Variants in ADD3 observed in about 807,000 individuals in gnomAD.
The protein encoded by ADD3 is adducin 3, also known as gamma-adducin.
A neutral mutation model predicts 80.2 loss-of-function variants in ADD3; 25 were observed. The observed-to-expected ratio is 0.31, with a 90% CI of 0.23 to 0.44. The LOEUF (loss-of-function observed/expected upper bound fraction) is 0.44, where lower values mean the gene tolerates loss of function less well. Among genes scored for constraint, ADD3 ranks in the 20% least tolerant of loss-of-function variants. The probability of loss-of-function intolerance (pLI) is 1.00; values close to 1 mark genes in which losing one functional copy is unlikely to be tolerated. For missense variants in ADD3, 829 were observed against 847.5 expected, an observed-to-expected ratio of 0.98 and a Z score of 0.27; for synonymous variants, 284 against 289.6, an observed-to-expected ratio of 0.98 and a Z score of 0.20.
In ADD3 at chr10:110,130,155, A is replaced by G. The variant is rs544562537; in HGVS notation, c.1609-208A>G. 2.6e-5 allele frequency among the ~76,000 whole-genome samples: 4 copies of G among 152,282 alleles called. No homozygotes were observed. In the East Asian group the frequency reaches 7.7e-4, roughly 29 times the overall value. ...GCTTATTGAGGAAATATCACTGGCA[A>G]TTTTAGTCCATTGGATTAGTAGTTT... is the stretch of plus-strand genomic sequence containing the variant. On this transcript the variant is annotated intron_variant, in intron 12 of 14. Coordinates refer to ENST00000356080, the MANE Select transcript of ADD3 (RefSeq NM_016824.5).
At chr10:110,125,076 T>A (rs1851978528) in intron 10 of ADD3, among the ~76,000 whole-genome samples, 1 of 152,218 alleles carries the variant, frequency 6.6e-6, no homozygotes, top group Non-Finnish European at 1.5e-5. Context: ...TATAAACTAA[T>A]GGCATTCAAT....
chr10:110,083,104 G>C (rs549617596), intron 1 of ADD3, among the ~76,000 whole-genome samples: 1 of 152,284 alleles, frequency 6.6e-6, no homozygotes, highest in Admixed American at 6.5e-5. Context: ...GTTACTTGGA[G>C]CCAACAGACA....
chr10:110,063,331 G>A (rs567355397), intron 1 of ADD3, among the ~76,000 whole-genome samples: 9 of 152,030 alleles, frequency 5.9e-5, no homozygotes, highest in African/African-American at 2.2e-4. Context: ...GTGGAGAAGC[G>A]GAGTTAAGTA....
chr10:110,019,642 C>T (rs1247732348), intron 1 of ADD3, among the ~76,000 whole-genome samples: 2 of 152,224 alleles, frequency 1.3e-5, no homozygotes, highest in Non-Finnish European at 1.5e-5. Context: ...GCGTGAGCCA[C>T]TGTGCCTGGC....
chr10:110,019,250 A>G (rs1394158886), intron 1 of ADD3, among the ~76,000 whole-genome samples: 2 of 152,042 alleles, frequency 1.3e-5, no homozygotes, highest in East Asian at 3.8e-4. Context: ...TTTGTTCCAA[A>G]GTGTCTCAGT....
intron 8 of ADD3, 174 bp downstream of exon 8, chr10:110,119,738 G>A: frequency 1.8e-6 from 1 of 558,892 alleles, no homozygotes; most frequent in Admixed American, 3.5e-5. Context: ...ATTGAAAATA[G>A]GAGTAAAGGA....
At chr10:110,091,912 G>A (rs2133871890) in intron 1 of ADD3, among the ~76,000 whole-genome samples, 2 of 152,194 alleles carry the variant, frequency 1.3e-5, no homozygotes, top group South Asian at 4.1e-4. Flanking sequence ...AACCCCTTAA[G>A]AAAATAGTCT....
intron 12 of ADD3, among the ~76,000 whole-genome samples, chr10:110,128,022 A>G (rs552466292): frequency 1.4e-5 from 2 of 147,600 alleles, no homozygotes; most frequent in Non-Finnish European, 3.0e-5. Flanking sequence ...GTAGGAAGGC[A>G]TTGGAATTCC....
At chr10:110,046,667 T>G (rs928563235) in intron 1 of ADD3, among the ~76,000 whole-genome samples, 1 of 152,170 alleles carries the variant, frequency 6.6e-6, no homozygotes, top group African/African-American at 2.4e-5. Flanking sequence ...GCTGAACTTT[T>G]CTAGGTCTTG....
At chr10:110,070,831 A>T (rs1448450444) in intron 1 of ADD3, among the ~76,000 whole-genome samples, 2 of 152,092 alleles carry the variant, frequency 1.3e-5, no homozygotes, top group African/African-American at 4.8e-5. Flanking sequence ...CTCTTAAAGC[A>T]TTAATTTTAG....
upstream of ADD3, among the ~76,000 whole-genome samples, chr10:110,006,914 G>A (rs182172778): frequency 5.7e-4 from 87 of 152,266 alleles, no homozygotes; most frequent in African/African-American, 1.9e-3. Context: ...GTTGGCCCAA[G>A]GGACCATGAA....
Position 110,116,430 on chromosome 10 carries a change from A to G in ADD3, c.486+20A>G, listed in dbSNP as rs527488008. On this transcript the variant is annotated intron_variant, in intron 4 of 14. Coordinates refer to ENST00000356080, the MANE Select transcript of ADD3 (RefSeq NM_016824.5). ...ATCTCAGTGAGTTCTTCAGCTTTCA[A>G]TTCCTTTTTTAAAAAATTCCAGCTA... 1.1e-5 allele frequency: 18 copies of G among 1,610,942 alleles called. No homozygotes were observed. The highest frequency in any genetic ancestry group is 1.4e-5 in the Non-Finnish European group (16 of 1,178,884).
At chr10:110,050,176 A>G (rs906404437) in intron 1 of ADD3, among the ~76,000 whole-genome samples, 2 of 152,176 alleles carry the variant, frequency 1.3e-5, no homozygotes, top group Non-Finnish European at 2.9e-5. Flanking sequence ...TGGTTTTGAA[A>G]TATGAGGACA....
At chr10:110,111,648 G>T (rs1850017985) in intron 2 of ADD3, among the ~76,000 whole-genome samples, 1 of 152,208 alleles carries the variant, frequency 6.6e-6, no homozygotes, top group Non-Finnish European at 1.5e-5. Context: ...GGGCGCGGTG[G>T]CTCACGCCTG....
chr10:110,050,902 A>C (rs1457396195), intron 1 of ADD3, among the ~76,000 whole-genome samples: 1 of 152,200 alleles, frequency 6.6e-6, no homozygotes, highest in Non-Finnish European at 1.5e-5. Flanking sequence ...ATGTGTTTGG[A>C]TGATGTGGAA....
chr10:110,007,041 G>C (rs1851692311), upstream of ADD3, among the ~76,000 whole-genome samples: 1 of 152,090 alleles, frequency 6.6e-6, no homozygotes, highest in Non-Finnish European at 1.5e-5. Context: ...TCAAGAATAG[G>C]TTGGGATGAG....
intron 1 of ADD3, among the ~76,000 whole-genome samples, chr10:110,059,940 G>C (rs781525401): frequency 4.6e-5 from 7 of 152,190 alleles, no homozygotes; most frequent in Non-Finnish European, 8.8e-5. Flanking sequence ...TTATTCTGTG[G>C]ACTCTCAAAG....
intron 1 of ADD3, among the ~76,000 whole-genome samples, chr10:110,022,651 A>G (rs1034526708): frequency 1.3e-5 from 2 of 152,192 alleles, no homozygotes; most frequent in African/African-American, 4.8e-5. Flanking sequence ...CCAGACAAAA[A>G]CCTTAGTGGT....
chr10:110,020,085 T>G (rs1007198143), intron 1 of ADD3, among the ~76,000 whole-genome samples: 4 of 152,246 alleles, frequency 2.6e-5, no homozygotes, highest in Admixed American at 1.3e-4. Context: ...TCATCTGAAC[T>G]TTATTAGATG....
Sources: allele counts gnomAD v4.1 joint callset (sites outside exome capture counted in the v4.1 genomes callset), GRCh38; gene constraint gnomAD v4.1.1; transcripts MANE v1.5; gene names NCBI Gene and HGNC (gene_info 2026-07-23, HGNC 2026-07-21).